The following CROT variants were observed in gnomAD, a reference collection of about 807,000 sequenced individuals.
The protein encoded by CROT is carnitine O-octanoyltransferase.
A neutral mutation model predicts 89.2 loss-of-function variants in CROT; 84 were observed. The observed-to-expected ratio is 0.94, with a 90% confidence interval of 0.79 to 1.13. The LOEUF is 1.13. CROT is among the 50% of genes most tolerant of loss of function. The pLI, the probability that CROT is intolerant of heterozygous loss-of-function variation, is 0.00. For missense variants in CROT, 711 were observed against 727.8 expected, an observed-to-expected ratio of 0.98 and a Z score of 0.27; for synonymous variants, 212 against 239.5, an observed-to-expected ratio of 0.89 and a Z score of 1.06.
Position 87,393,010 on chromosome 7 carries a change from T to C in CROT, c.1661T>C (p.Val554Ala), listed in dbSNP as rs780780027. The change falls in exon 17 of 18, where the codon GTG becomes GCG. Residue 554 changes from valine to alanine, a missense_variant. Transcript: ENST00000331536. Reference sequence around the variant, plus strand: ...GTTGGCTATTTACGAGTCCAGGGAGTGGTAGTTCCCATGGTACACAATGGT... The same window carrying C: ...GTTGGCTATTTACGAGTCCAGGGAGCGGTAGTTCCCATGGTACACAATGGT... ...SLVGYLRVQG[V>A]VVPMVHNGYG... is the part of the protein sequence containing the mutation. 6.2e-7 allele frequency: 1 copy of C among 1,613,474 alleles called. No homozygotes were observed. Among genetic ancestry groups the C allele is most frequent in the Non-Finnish European group, 8.5e-7 (1 of 1,179,570 alleles).
chr7:87,384,475 T>A (rs1477660579), intron 13 of CROT, among the ~76,000 whole-genome samples: 3 of 152,190 alleles, frequency 2.0e-5, no homozygotes, highest in African/African-American at 7.2e-5. Flanking sequence ...GAGGTTGCAG[T>A]GAGCTGAGAT....
At chr7:87,385,541 A>T (rs923387279) in intron 13 of CROT, among the ~76,000 whole-genome samples, 1 of 152,070 alleles carries the variant, frequency 6.6e-6, no homozygotes, top group African/African-American at 2.4e-5. Context: ...TGTTGATTTT[A>T]TATCTTGCAA....
chr7:87,377,922 C>T (rs1336452809), intron 10 of CROT, among the ~76,000 whole-genome samples: 2 of 152,060 alleles, frequency 1.3e-5, no homozygotes, highest in Non-Finnish European at 2.9e-5. Context: ...CCATTTTGAC[C>T]ATTTTCATAA....
At position 87,361,869 on chromosome 7, in the gene CROT, A is replaced by G. The variant is rs763571498; in HGVS notation, c.547+17A>G. On this transcript the variant is annotated intron_variant, in intron 6 of 17. Transcript: ENST00000331536. ...TTAGGACTGGTAAGTAAAAATGCAG[A>G]TATCGTTTTTAGTAAAGGCACTGGA... The G allele has an allele frequency of 2.3e-5, 36 of 1,561,086 alleles. No individual in the cohort carries two copies. In the Middle Eastern group the frequency reaches 1.0e-3, roughly 45 times the overall value.
intron 13 of CROT, among the ~76,000 whole-genome samples, 154 bp downstream of exon 13, chr7:87,382,697 T>C (rs1807058921): frequency 6.6e-6 from 1 of 152,196 alleles, no homozygotes; most frequent in Admixed American, 6.5e-5. Flanking sequence ...GAGTATTAGA[T>C]TTCTGATCTG....
intron 13 of CROT, among the ~76,000 whole-genome samples, chr7:87,389,245 C>T (rs1028387786): frequency 6.6e-6 from 1 of 152,132 alleles, no homozygotes; most frequent in African/African-American, 2.4e-5. Context: ...ACCAGAAATA[C>T]CATTTGATCC....
chr7:87,394,647 A>G (rs967756469), intron 17 of CROT, among the ~76,000 whole-genome samples: 2 of 152,016 alleles, frequency 1.3e-5, no homozygotes, highest in Non-Finnish European at 2.9e-5. Flanking sequence ...TTGATCTCCA[A>G]TTAAAAATGC....
In CROT at chr7:87,346,393, C is replaced by T. The variant is rs1377704441; in HGVS notation, c.-59C>T. On this transcript the variant is annotated 5_prime_UTR_variant, in exon 2 of 18. Coordinates refer to ENST00000331536, the MANE Select transcript of CROT (RefSeq NM_021151.4). ...CTCAAAACAATTGTTGCAGCAGGCT[C>T]CTGGCAGTCTCAAGCAGTTCATCTT... The T allele has an allele frequency of 6.6e-6, 1 of 152,226 alleles. No individual in the cohort carries two copies. Among genetic ancestry groups the T allele is most frequent in the Non-Finnish European group, 1.5e-5 (1 of 68,050 alleles). The allele number at this position is 152,226 out of a possible 1,614,324, so 9.4% of individuals were successfully genotyped here. A position where few individuals can be genotyped will look rare whatever the true frequency, so the allele number is the denominator to read the frequency against.
At chr7:87,357,412 T>G in intron 3 of CROT, 3 of 1,497,392 alleles carry the variant, frequency 2.0e-6, no homozygotes, top group South Asian at 1.2e-5. Context: ...CTTGATAGGA[T>G]GCCAAGACAG....
At chr7:87,348,142 A>T (rs1805750472) in intron 2 of CROT, among the ~76,000 whole-genome samples, 1 of 152,110 alleles carries the variant, frequency 6.6e-6, no homozygotes, top group Non-Finnish European at 1.5e-5. Flanking sequence ...TTCAAATTCA[A>T]TATTAACGTT....
At position 87,392,738 on chromosome 7, in the gene CROT, C is replaced by G. The variant is rs374151013; in HGVS notation, c.1513C>G (p.Arg505Gly). Residue 505 changes from arginine to glycine, a missense_variant, in exon 16 of 18, where the codon CGT (arginine) becomes GGT (glycine). Coordinates refer to ENST00000331536, the MANE Select transcript of CROT (RefSeq NM_021151.4). ...TTGGGGTTTCATTGCAGGATTTGAT[C>G]GTCACCTTTTAGGTCTCTTACTCAT... ...KDCSAGKGFD[R>G]HLLGLLLIAK... The G allele has an allele frequency of 1.2e-6, 2 of 1,613,238 alleles. No individual in the cohort carries two copies. Among genetic ancestry groups the G allele is most frequent in the South Asian group, 2.2e-5 (2 of 90,944 alleles).
chr7:87,379,772 G>T (rs1333239857), intron 10 of CROT, among the ~76,000 whole-genome samples: 1 of 152,162 alleles, frequency 6.6e-6, no homozygotes, highest in Non-Finnish European at 1.5e-5. Context: ...AACCTAAGAT[G>T]ATTATAGAGG....
Position 87,375,709 on chromosome 7 carries a change from G to A in CROT, c.734G>A (p.Arg245Gln), listed in dbSNP as rs141391571. Reference protein sequence around the residue: ...PGIAALTSEERTRWAKAREYL... With the variant: ...PGIAALTSEEQTRWAKAREYL... The stretch of plus-strand genomic sequence containing the variant: ...ATTGCAGCATTAACTAGTGAGGAGC[G>A]AACTCGATGGGCTAAGGTTCTGATT... The change falls in exon 8 of 18, where the codon CGA becomes CAA. Residue 245 changes from arginine (R) to glutamine (Q), a missense_variant. Arg to Gln is a conservative substitution (Grantham distance 43). Transcript: ENST00000331536. The A allele has an allele frequency of 3.4e-4, 544 of 1,613,454 alleles. 2 individuals carry two copies. The highest frequency in any genetic ancestry group is 2.3e-3 in the South Asian group (205 of 91,064).
intron 7 of CROT, among the ~76,000 whole-genome samples, chr7:87,370,519 AGTT>A (rs1230233433): frequency 6.6e-6 from 1 of 152,204 alleles, no homozygotes; most frequent in African/African-American, 2.4e-5. Context: ...ACAGAGAATC[AGTT>A]GTTCTAATTG....
chr7:87,353,031 T>G (rs1805926460), intron 3 of CROT, among the ~76,000 whole-genome samples: 2 of 152,220 alleles, frequency 1.3e-5, no homozygotes, highest in Admixed American at 1.3e-4. Flanking sequence ...TTAGATGAGC[T>G]ATATGTACTC....
At chr7:87,348,467 C>A (rs537296695) in intron 2 of CROT, among the ~76,000 whole-genome samples, 1 of 152,184 alleles carries the variant, frequency 6.6e-6, no homozygotes, top group Non-Finnish European at 1.5e-5. Flanking sequence ...CACTTCCACA[C>A]CTCTTTGTAC....
At chr7:87,378,329 G>A (rs1465477375) in intron 10 of CROT, among the ~76,000 whole-genome samples, 2 of 125,516 alleles carry the variant, frequency 1.6e-5, no homozygotes, top group African/African-American at 6.0e-5. Flanking sequence ...CTGGGAAACA[G>A]ACTGAGACTC....
intron 16 of CROT, 53 bp from the exon 17 acceptor site, chr7:87,392,895 A>G: frequency 6.2e-7 from 1 of 1,610,836 alleles, no homozygotes; most frequent in Non-Finnish European, 8.5e-7. Context: ...GTTTTTAGAA[A>G]CAATATAAGC....
chr7:87,393,141 C>T, intron 17 of CROT, 74 bp downstream of exon 17: 1 of 1,464,060 alleles, frequency 6.8e-7, no homozygotes, highest in Non-Finnish European at 9.3e-7. Flanking sequence ...AAATGCCTTT[C>T]CTACACTGTG....
Sources: gnomAD v4.1 joint callset for allele counts (sites outside exome capture counted in the v4.1 genomes callset) on GRCh38, gnomAD v4.1.1 for gene constraint, MANE v1.5 for transcripts, NCBI Gene and HGNC (gene_info 2026-07-23, HGNC 2026-07-21) for gene names.